FLRT1: variants seen among roughly 807,000 people sequenced by gnomAD.
FLRT1 encodes leucine-rich repeat transmembrane protein FLRT1.
A neutral mutation model predicts 30.9 loss-of-function variants in FLRT1; 14 were observed. The observed-to-expected ratio is 0.45, with a 90% CI of 0.30 to 0.71. The LOEUF is 0.71. Ranked by LOEUF, FLRT1 falls within the 30% of genes least tolerant of loss-of-function variation. The pLI is 0.08. For synonymous variants in FLRT1, 368 were observed against 430.4 expected, an observed-to-expected ratio of 0.85 and a Z score of 1.80; for missense variants, 737 against 949.2, an observed-to-expected ratio of 0.78 and a Z score of 2.94.
chr11:64,086,432 C>G (rs1944396794), intron 1 of FLRT1, among the ~76,000 whole-genome samples: 1 of 152,034 alleles, frequency 6.6e-6, no homozygotes, highest in South Asian at 2.1e-4. Context: ...CAGCTTTCTA[C>G]TCTCCAGTCC....
At chr11:64,073,176 C>T (rs1427613445) in intron 1 of FLRT1, among the ~76,000 whole-genome samples, 5 of 152,222 alleles carry the variant, frequency 3.3e-5, no homozygotes, top group Non-Finnish European at 7.3e-5. Context: ...GCACAGACTC[C>T]CAGGGCTGCC....
chr11:64,096,706 C>T lies in FLRT1; in HGVS notation c.-1037-6488C>T, dbSNP rs1944582397. On this transcript the variant is annotated intron_variant, in intron 1 of 2. Transcript: ENST00000682287. This position sits in a 1 kb window ranked among gnomAD's most constrained non-coding sequence, Gnocchi z 4.6. Reference sequence around the variant, plus strand: ...TGCTGGGATTACAGGCATGAGCCACCGCACCCTACCCTCTCCCCCTTTTGT... The same window carrying T: ...TGCTGGGATTACAGGCATGAGCCACTGCACCCTACCCTCTCCCCCTTTTGT... Among the ~76,000 whole-genome samples, 1 of 152,206 alleles carries T rather than the reference C, an allele frequency of 6.6e-6. No individual in the cohort carries two copies. The highest frequency in any genetic ancestry group is 1.5e-5 in the Non-Finnish European group (1 of 68,032).
At chr11:64,048,553 G>C (rs1432580746) in intron 1 of FLRT1, among the ~76,000 whole-genome samples, 1 of 152,218 alleles carries the variant, frequency 6.6e-6, no homozygotes, top group Non-Finnish European at 1.5e-5. Flanking sequence ...GAGAGGTGCA[G>C]AAGTCAAGCA....
intron 2 of FLRT1, among the ~76,000 whole-genome samples, chr11:64,107,846 C>T (rs1944790458): frequency 6.6e-6 from 1 of 152,166 alleles, no homozygotes. Flanking sequence ...TGAACTAGGG[C>T]TTGGAAAAGC....
At position 64,118,112 on chromosome 11, in the gene FLRT1, C is replaced by A; in HGVS notation, c.1845C>A (p.Arg615=). 6.2e-7 allele frequency: 1 copy of A among 1,611,370 alleles called. No homozygotes were observed. The highest frequency in any genetic ancestry group is 8.5e-7 in the Non-Finnish European group (1 of 1,178,028). The part of the protein sequence containing the change: ...TKKDNSILEI[R]GPGLQMLPIN... ...AGGATAACTCCATCCTGGAAATCCGCGGCCCTGGGCTGCAGATGCTGCCCA... is the reference window on the plus strand; with the variant it reads ...AGGATAACTCCATCCTGGAAATCCGAGGCCCTGGGCTGCAGATGCTGCCCA... The change falls in exon 3 of 3, where the codon CGC becomes CGA. Residue 615 remains arginine (R), a synonymous_variant. Transcript: ENST00000682287.
rs1945032164 is a variant in FLRT1, at chr11:64,118,235, C to T, written c.1968C>T (p.Gly656=). ...AGGCCACACACACCATTGGCTACGG[C>T]ACCACGCGGGGCTACCGGGACGGCG... The part of the protein sequence containing the change: ...LCKATHTIGY[G]TTRGYRDGGI... Residue 656 remains glycine (G), a synonymous_variant, in exon 3 of 3, where the codon GGC becomes GGT. Coordinates refer to ENST00000682287, the MANE Select transcript of FLRT1 (RefSeq NM_013280.5). 1 of 1,610,186 alleles carries T rather than the reference C, an allele frequency of 6.2e-7. No homozygotes were observed. The highest frequency in any genetic ancestry group is 8.5e-7 in the Non-Finnish European group (1 of 1,177,756).
At chr11:64,094,283 T>C (rs573284990) in intron 1 of FLRT1, among the ~76,000 whole-genome samples, 1 of 152,192 alleles carries the variant, frequency 6.6e-6, no homozygotes, top group Admixed American at 6.5e-5. Flanking sequence ...ACAAAAAAAG[T>C]TAGCCGGGCA....
intron 1 of FLRT1, among the ~76,000 whole-genome samples, chr11:64,070,528 G>A (rs969054668): frequency 1.8e-4 from 28 of 152,176 alleles, no homozygotes; most frequent in South Asian, 1.2e-3. Context: ...AAGGCTGCCC[G>A]AGAGCAGAGC....
At chr11:64,075,513 G>A (rs1944184488) in intron 1 of FLRT1, among the ~76,000 whole-genome samples, 1 of 152,256 alleles carries the variant, frequency 6.6e-6, no homozygotes, top group Non-Finnish European at 1.5e-5. Context: ...CCCCAGCTGG[G>A]CTCAAACCGA....
chr11:64,036,486 A>AC lies in FLRT1; in HGVS notation c.-1038+333dup, dbSNP rs528893346. On this transcript the variant is annotated intron_variant, in intron 1 of 2. Coordinates refer to ENST00000682287, the MANE Select transcript of FLRT1 (RefSeq NM_013280.5). This position sits in a 1 kb window ranked among gnomAD's most constrained non-coding sequence, Gnocchi z 5.6. ...GAGCTCTAGTCCAAGCCCTCGCTGCACCCCCCAGGGAGGGGGCCTGGCCCG... is the reference window on the plus strand; with the variant it reads ...GAGCTCTAGTCCAAGCCCTCGCTGCACCCCCCCAGGGAGGGGGCCTGGCCCG... Among the ~76,000 whole-genome samples, 313 of 151,224 alleles carry AC rather than the reference A, an allele frequency of 2.1e-3. 2 individuals are homozygous for AC. The highest frequency in any genetic ancestry group is 7.2e-3 in the African/African-American group (297 of 41,186).
chr11:64,093,255 A>G (rs1387399785), intron 1 of FLRT1, among the ~76,000 whole-genome samples: 2 of 152,198 alleles, frequency 1.3e-5, no homozygotes, highest in Non-Finnish European at 2.9e-5. Flanking sequence ...TATCCACATC[A>G]ACATCTCAGC....
chr11:64,065,854 G>C (rs1219574210), intron 1 of FLRT1, among the ~76,000 whole-genome samples: 1 of 151,918 alleles, frequency 6.6e-6, no homozygotes, highest in African/African-American at 2.4e-5. Context: ...CAGGCAGGCA[G>C]GTGGGAGATC....
intron 1 of FLRT1, among the ~76,000 whole-genome samples, chr11:64,045,809 G>C (rs1943574170): frequency 6.6e-6 from 1 of 152,194 alleles, no homozygotes; most frequent in African/African-American, 2.4e-5. Flanking sequence ...AATAACAGGT[G>C]GGCATGCTGG....
intron 1 of FLRT1, among the ~76,000 whole-genome samples, chr11:64,076,317 T>C (rs1944199958): frequency 6.6e-6 from 1 of 152,134 alleles, no homozygotes; most frequent in African/African-American, 2.4e-5. Flanking sequence ...ATGCTCTGAC[T>C]TGGGGTTAGG....
At chr11:64,039,201 G>A (rs917878764) in intron 1 of FLRT1, among the ~76,000 whole-genome samples, 2 of 152,262 alleles carry the variant, frequency 1.3e-5, no homozygotes, top group Non-Finnish European at 2.9e-5. Flanking sequence ...GATGGGGTGC[G>A]TGAGGCATGT....
intron 1 of FLRT1, among the ~76,000 whole-genome samples, chr11:64,059,562 G>A (rs529273396): frequency 1.1e-4 from 16 of 152,260 alleles, no homozygotes; most frequent in African/African-American, 3.4e-4. Context: ...CTCATCTGGG[G>A]AACAGGCATC....
Position 64,082,740 on chromosome 11 carries a change from TCA to T in FLRT1, c.-1037-20453_-1037-20452del, listed in dbSNP as rs1944326485. On this transcript the variant is annotated intron_variant, in intron 1 of 2. Coordinates refer to ENST00000682287, the MANE Select transcript of FLRT1 (RefSeq NM_013280.5). This position sits in a 1 kb window ranked among gnomAD's most constrained non-coding sequence, Gnocchi z 4.5. ...ATGTGGAGCATCCTCCTGAGAGGACTCAGAGGGGATTCCTGGGCCTTGGCATT... is the reference window on the plus strand; with the variant it reads ...ATGTGGAGCATCCTCCTGAGAGGACTGAGGGGATTCCTGGGCCTTGGCATT... Among the ~76,000 whole-genome samples, 1 of 152,136 alleles carries T rather than the reference TCA, an allele frequency of 6.6e-6. No homozygotes were observed. The highest frequency in any genetic ancestry group is 1.5e-5 in the Non-Finnish European group (1 of 68,004).
chr11:64,096,933 C>G lies in FLRT1; in HGVS notation c.-1037-6261C>G, dbSNP rs1944587108. On this transcript the variant is annotated intron_variant, in intron 1 of 2. Coordinates refer to ENST00000682287, the MANE Select transcript of FLRT1 (RefSeq NM_013280.5). This position sits in a 1 kb window ranked among gnomAD's most constrained non-coding sequence, Gnocchi z 4.6. Reference sequence around the variant, plus strand: ...CTGGGTGCGAGTGGCCCTTGCTGGTCCCCCGCTCACCCACTCTCTCAGCGT... The same window carrying G: ...CTGGGTGCGAGTGGCCCTTGCTGGTGCCCCGCTCACCCACTCTCTCAGCGT... Among the ~76,000 whole-genome samples, 1 of 152,228 alleles carries G rather than the reference C, an allele frequency of 6.6e-6. No homozygotes were observed. The highest frequency in any genetic ancestry group is 1.5e-5 in the Non-Finnish European group (1 of 68,030).
intron 1 of FLRT1, among the ~76,000 whole-genome samples, chr11:64,098,879 C>A (rs1944622976): frequency 6.6e-6 from 1 of 152,226 alleles, no homozygotes; most frequent in South Asian, 2.1e-4. Context: ...TACCAGCCAT[C>A]TGATTAATGA....
Sources: gnomAD v4.1 joint callset for allele counts (sites outside exome capture counted in the v4.1 genomes callset) on GRCh38, gnomAD v4.1.1 for gene constraint, Gnocchi (gnomAD v3.1) non-coding constraint, MANE v1.5 for transcripts, NCBI Gene and HGNC (gene_info 2026-07-23, HGNC 2026-07-21) for gene names.